HDAC9: variants seen among roughly 807,000 people sequenced by gnomAD.
HDAC9 encodes the protein MEF-2 interacting transcription repressor (MITR) protein.
In HDAC9, 41 loss-of-function variants were observed where a neutral mutation model predicts 139.4. The ratio of observed to expected loss-of-function variants is 0.29; its 90% CI spans 0.23 to 0.38. The LOEUF is 0.38. HDAC9 is among the 10% of genes least tolerant of loss of function. The probability of loss-of-function intolerance (pLI) is 1.00; values close to 1 mark genes in which losing one functional copy is unlikely to be tolerated. For missense variants in HDAC9, 1,147 were observed against 1,297.0 expected (o/e 0.88, Z 1.78); for synonymous variants, 517 against 476.2 (o/e 1.09, Z -1.12).
At chr7:18,423,108 G>A (rs933879366) in intron 1 of HDAC9, among the ~76,000 whole-genome samples, 1 of 152,080 alleles carries the variant, frequency 6.6e-6, no homozygotes, top group Admixed American at 6.6e-5. Flanking sequence ...ACTTGTTTTT[G>A]TTTTTACAGT....
chr7:18,845,624 A>G (rs918117296), intron 21 of HDAC9, among the ~76,000 whole-genome samples: 1 of 152,078 alleles, frequency 6.6e-6, no homozygotes, highest in Non-Finnish European at 1.5e-5. Flanking sequence ...TTTAAGAACA[A>G]CAGAAGCAGA....
upstream of HDAC9, among the ~76,000 whole-genome samples, chr7:18,491,071 T>A (rs1314604984): frequency 6.6e-6 from 1 of 151,964 alleles, no homozygotes; most frequent in Non-Finnish European, 1.5e-5. Flanking sequence ...TTACATTACC[T>A]CCTTTGCTTG....
intron 1 of HDAC9, among the ~76,000 whole-genome samples, chr7:18,123,358 T>A (rs1784470834): frequency 6.6e-6 from 1 of 152,216 alleles, no homozygotes; most frequent in African/African-American, 2.4e-5. Context: ...CCCCCCGATT[T>A]AAAACAGGTG....
At chr7:18,681,393 A>G (rs943695648) in intron 12 of HDAC9, among the ~76,000 whole-genome samples, 2 of 151,932 alleles carry the variant, frequency 1.3e-5, no homozygotes, top group African/African-American at 4.8e-5. Flanking sequence ...TTTTTCTTTT[A>G]TAGTCAATAT....
At chr7:18,334,265 G>T (rs1172176402) in intron 1 of HDAC9, among the ~76,000 whole-genome samples, 1 of 151,276 alleles carries the variant, frequency 6.6e-6, no homozygotes, top group African/African-American at 2.4e-5. Flanking sequence ...ATAGGCAAAA[G>T]TGTAAGTATA....
At chr7:18,517,399 A>G (rs983649884) in intron 2 of HDAC9, among the ~76,000 whole-genome samples, 1 of 152,220 alleles carries the variant, frequency 6.6e-6, no homozygotes, top group African/African-American at 2.4e-5. Context: ...ACACCTGGTA[A>G]GAACTGAATA....
At chr7:18,913,808 A>G (rs1364806182) in intron 22 of HDAC9, among the ~76,000 whole-genome samples, 9 of 152,096 alleles carry the variant, frequency 5.9e-5, no homozygotes, top group African/African-American at 1.7e-4. Context: ...ACGATTCAAT[A>G]TAAGTACTCA....
chr7:18,811,884 G>A (rs1477781848), intron 17 of HDAC9, among the ~76,000 whole-genome samples: 1 of 151,418 alleles, frequency 6.6e-6, no homozygotes. Context: ...GAAAGAGAGA[G>A]AGACAAAATA....
intron 17 of HDAC9, among the ~76,000 whole-genome samples, chr7:18,795,568 G>A (rs1321795860): frequency 6.6e-6 from 1 of 152,140 alleles, no homozygotes; most frequent in Non-Finnish European, 1.5e-5. Context: ...TGTGCAGCTG[G>A]GTTATCTTTC....
chr7:18,143,335 A>T (rs557232158), intron 1 of HDAC9, among the ~76,000 whole-genome samples: 6 of 152,314 alleles, frequency 3.9e-5, no homozygotes, highest in Admixed American at 6.5e-5. Flanking sequence ...AGACATTTTT[A>T]AAAAAGCTCT....
intron 2 of HDAC9, among the ~76,000 whole-genome samples, chr7:18,225,285 C>T (rs1792978378): frequency 6.6e-6 from 1 of 152,178 alleles, no homozygotes; most frequent in Admixed American, 6.5e-5. Context: ...TGACCACATG[C>T]TTCACACTTG....
At chr7:18,433,599 CA>C (rs1302328907) in intron 1 of HDAC9, among the ~76,000 whole-genome samples, 1 of 152,256 alleles carries the variant, frequency 6.6e-6, no homozygotes, top group African/African-American at 2.4e-5. Flanking sequence ...GTGCAAAAAT[CA>C]GTAGCACTTC....
At chr7:18,373,136 A>G (rs1784722172) in intron 1 of HDAC9, among the ~76,000 whole-genome samples, 2 of 152,202 alleles carry the variant, frequency 1.3e-5, no homozygotes, top group African/African-American at 4.8e-5. Flanking sequence ...ATATTTTTAA[A>G]AATATCAACT....
chr7:18,371,390 A>G (rs1784580974), intron 1 of HDAC9, among the ~76,000 whole-genome samples: 1 of 152,210 alleles, frequency 6.6e-6, no homozygotes, highest in Non-Finnish European at 1.5e-5. Context: ...ACTTTTTTCC[A>G]CTAAAATTCT....
In HDAC9 at chr7:18,881,359, C is replaced by T. The variant is rs150317567; in HGVS notation, c.2803+6763C>T. 2.6e-3 allele frequency among the ~76,000 whole-genome samples: 400 copies of T among 152,118 alleles called. 2 individuals carry two copies. The highest frequency in any genetic ancestry group is 9.2e-3 in the African/African-American group (380 of 41,530). On this transcript the variant is annotated intron_variant, in intron 22 of 25. Transcript: ENST00000686413. ...TTACAATCTGTTTGGATTCTAAGGTCCTCTCTTCTCAATGGATATTTATTC... is the reference window on the plus strand; with the variant it reads ...TTACAATCTGTTTGGATTCTAAGGTTCTCTCTTCTCAATGGATATTTATTC...
At chr7:18,915,862 A>G (rs138948237) in intron 22 of HDAC9, among the ~76,000 whole-genome samples, 1 of 151,642 alleles carries the variant, frequency 6.6e-6, no homozygotes, top group African/African-American at 2.4e-5. Flanking sequence ...TCCTTTGGAT[A>G]TTTTCTCATT....
chr7:18,782,744 T>C (rs1325169011), intron 16 of HDAC9, among the ~76,000 whole-genome samples: 1 of 152,074 alleles, frequency 6.6e-6, no homozygotes, highest in Non-Finnish European at 1.5e-5. Flanking sequence ...GCTTACTGCT[T>C]CCAGCATCGT....
At chr7:18,094,606 A>G (rs1004329238) in intron 1 of HDAC9, among the ~76,000 whole-genome samples, 1 of 152,048 alleles carries the variant, frequency 6.6e-6, no homozygotes, top group Non-Finnish European at 1.5e-5. Context: ...TAATTAAAAA[A>G]AATTATTTAT....
chr7:18,770,217 T>A (rs900441344), intron 16 of HDAC9, among the ~76,000 whole-genome samples: 1 of 152,146 alleles, frequency 6.6e-6, no homozygotes, highest in Admixed American at 6.6e-5. Context: ...AATGTCAAGG[T>A]TTCTGAATTC....
Sources: gnomAD v4.1 joint callset for allele counts (sites outside exome capture counted in the v4.1 genomes callset) on GRCh38, gnomAD v4.1.1 for gene constraint, MANE v1.5 for transcripts, NCBI Gene and HGNC (gene_info 2026-07-23, HGNC 2026-07-21) for gene names.